KCNQ1: variants seen among roughly 807,000 people sequenced by gnomAD.
KCNQ1 encodes potassium voltage-gated channel subfamily Q member 1.
A neutral mutation model predicts 72.4 loss-of-function variants in KCNQ1; 49 were observed. The ratio of observed to expected loss-of-function variants is 0.68; its 90% CI spans 0.54 to 0.86. KCNQ1 has a LOEUF of 0.86. Among genes scored for constraint, KCNQ1 ranks in the 40% least tolerant of loss-of-function variants. KCNQ1 has a pLI of 0.00. For missense variants in KCNQ1, 790 were observed against 945.1 expected (o/e 0.84, Z 2.15); for synonymous variants, 450 against 412.6 (o/e 1.09, Z -1.10).
intron 11 of KCNQ1, among the ~76,000 whole-genome samples, chr11:2,709,555 C>A (rs994675932): frequency 3.3e-5 from 5 of 152,156 alleles, no homozygotes; most frequent in South Asian, 4.2e-4. Flanking sequence ...TTCAGAGTTG[C>A]GCAACCATCA....
rs76539533 is a variant in KCNQ1, at chr11:2,797,313, C to T, written c.1794+19276C>T. On this transcript the variant is annotated intron_variant, in intron 15 of 15. Transcript: ENST00000155840. Reference sequence around the variant, plus strand: ...GGCCCCAACCTGCCTGCAGACCAAGCGGTCACATCGCGAATGAGTCCTCAT... The same window carrying T: ...GGCCCCAACCTGCCTGCAGACCAAGTGGTCACATCGCGAATGAGTCCTCAT... Among the ~76,000 whole-genome samples, 74 of 152,288 alleles carry T rather than the reference C, an allele frequency of 4.9e-4. 1 individual carries two copies. The East Asian group carries it at 6.8e-3, about 14-fold the overall frequency.
At chr11:2,650,155 A>G (rs1385381123) in intron 10 of KCNQ1, 2 of 398,328 alleles carry the variant, frequency 5.0e-6, no homozygotes, top group South Asian at 2.5e-4. Flanking sequence ...TTTCATATCT[A>G]ACTCTGCTGG....
chr11:2,476,198 A>G (rs527240153), intron 1 of KCNQ1, among the ~76,000 whole-genome samples: 148 of 152,374 alleles, frequency 9.7e-4, no homozygotes, highest in African/African-American at 3.5e-3. Flanking sequence ...ACAAACATTG[A>G]TCATATACTA....
At chr11:2,840,226 T>G (rs549344729) in intron 15 of KCNQ1, 60 of 152,406 alleles carry the variant, frequency 3.9e-4, no homozygotes, top group African/African-American at 1.4e-3. Context: ...ATTGTAAAGG[T>G]CTTCATCCTC....
intron 11 of KCNQ1, chr11:2,665,256 C>T (rs903784627): frequency 1.0e-4 from 41 of 398,564 alleles, no homozygotes; most frequent in South Asian, 8.9e-4. Flanking sequence ...CTGCCAGCCT[C>T]AAACTCCCTG....
At position 2,543,357 on chromosome 11, in the gene KCNQ1, T is replaced by C. The variant is rs915611665; in HGVS notation, c.477+15339T>C. On this transcript the variant is annotated intron_variant, in intron 2 of 15. Transcript: ENST00000155840. This position sits in a 1 kb window ranked among gnomAD's most constrained non-coding sequence, Gnocchi z 5.6. Reference sequence around the variant, plus strand: ...GGCGTAAACGTAGCTCACTGCAACCTCGAATTCCTGGGCTCCGAGGATCCT... The same window carrying C: ...GGCGTAAACGTAGCTCACTGCAACCCCGAATTCCTGGGCTCCGAGGATCCT... 3.3e-5 allele frequency among the ~76,000 whole-genome samples: 5 copies of C among 152,102 alleles called. No homozygotes were observed. Among genetic ancestry groups the C allele is most frequent in the African/African-American group, 1.2e-4 (5 of 41,404 alleles).
intron 15 of KCNQ1, among the ~76,000 whole-genome samples, chr11:2,790,549 C>A (rs902901168): frequency 6.6e-6 from 1 of 152,222 alleles, no homozygotes; most frequent in Non-Finnish European, 1.5e-5. Context: ...CCTTCCCATC[C>A]CACACAGGGC....
intron 10 of KCNQ1, chr11:2,632,261 T>G (rs1849371209): frequency 2.5e-6 from 1 of 398,478 alleles, no homozygotes; most frequent in East Asian, 3.6e-5. Flanking sequence ...CTGAATTAAT[T>G]TATTCAGTTT....
chr11:2,630,303 TCA>T, intron 10 of KCNQ1: 2 of 398,264 alleles, frequency 5.0e-6, no homozygotes, highest in Non-Finnish European at 8.9e-6. Flanking sequence ...GCTGTTAAAT[TCA>T]GTTTGATCAT....
intron 10 of KCNQ1, chr11:2,632,650 C>G: frequency 2.5e-6 from 1 of 398,338 alleles, no homozygotes. Flanking sequence ...ACTCAAATAT[C>G]ATTTCTCTGT....
chr11:2,681,014 T>C (rs994319793), intron 11 of KCNQ1: 5 of 398,464 alleles, frequency 1.3e-5, no homozygotes, highest in African/African-American at 2.1e-5. Flanking sequence ...TCTTTTATTA[T>C]GAAAGCCTCC....
At chr11:2,528,175 C>A (rs1480777516) in intron 2 of KCNQ1, among the ~76,000 whole-genome samples, 157 bp downstream of exon 2, 9 of 152,228 alleles carry the variant, frequency 5.9e-5, no homozygotes, top group African/African-American at 1.7e-4. Flanking sequence ...CCCCAGCCCC[C>A]ACACTTGCCA....
In KCNQ1 at chr11:2,565,397, C is replaced by T. The variant is rs1848233166; in HGVS notation, c.478-5231C>T. 1.3e-5 allele frequency among the ~76,000 whole-genome samples: 2 copies of T among 152,184 alleles called. No homozygotes were observed. The highest frequency in any genetic ancestry group is 1.3e-4 in the Admixed American group (2 of 15,284). On this transcript the variant is annotated intron_variant, in intron 2 of 15. Coordinates refer to ENST00000155840, the MANE Select transcript of KCNQ1 (RefSeq NM_000218.3). This position sits in a 1 kb window ranked among gnomAD's most constrained non-coding sequence, Gnocchi z 5.6. ...TGACACTGGGCACCTCTCCGTGTGC[C>T]TCTTGGCCATCTGTGTATCTTCTTC... is the stretch of plus-strand genomic sequence containing the variant.
In KCNQ1 at chr11:2,827,152, G is replaced by C. The variant is rs1847856686; in HGVS notation, c.1795-20615G>C. 6.6e-6 allele frequency among the ~76,000 whole-genome samples: 1 copy of C among 152,168 alleles called. No individual in the cohort carries two copies. Among genetic ancestry groups the C allele is most frequent in the Admixed American group, 6.5e-5 (1 of 15,272 alleles). ...CCTCGTGTTGCTGTCCCCCAGGTAGGAGATAAGGGACCAGAGTCAGGGCAG... is the reference window on the plus strand; with the variant it reads ...CCTCGTGTTGCTGTCCCCCAGGTAGCAGATAAGGGACCAGAGTCAGGGCAG... On this transcript the variant is annotated intron_variant, in intron 15 of 15. Transcript: ENST00000155840. This position sits in a 1 kb window ranked among gnomAD's most constrained non-coding sequence, Gnocchi z 6.7.
chr11:2,501,580 G>A (rs1424346511), intron 1 of KCNQ1, among the ~76,000 whole-genome samples: 3 of 151,928 alleles, frequency 2.0e-5, no homozygotes, highest in Non-Finnish European at 2.9e-5. Flanking sequence ...TGGCCTCACT[G>A]CTAAATTCTG....
intron 2 of KCNQ1, among the ~76,000 whole-genome samples, chr11:2,568,754 G>A (rs1848282813): frequency 6.6e-6 from 1 of 152,204 alleles, no homozygotes. Context: ...TCTCTAAGGA[G>A]CTCAGCCGGA....
At chr11:2,771,074 G>C (rs544827466) in intron 12 of KCNQ1, among the ~76,000 whole-genome samples, 6 of 152,246 alleles carry the variant, frequency 3.9e-5, no homozygotes, top group Non-Finnish European at 7.3e-5. Flanking sequence ...CTGGTGTCTG[G>C]CCTGAGGGTG....
At chr11:2,485,233 G>A (rs939718088) in intron 1 of KCNQ1, among the ~76,000 whole-genome samples, 2 of 152,228 alleles carry the variant, frequency 1.3e-5, no homozygotes, top group African/African-American at 2.4e-5. Context: ...ATTGTTTTTA[G>A]TTACTTATCT....
At chr11:2,561,453 C>A (rs895958989) in intron 2 of KCNQ1, among the ~76,000 whole-genome samples, 1 of 152,196 alleles carries the variant, frequency 6.6e-6, no homozygotes, top group Non-Finnish European at 1.5e-5. Context: ...TGGGACACCA[C>A]CTTCCTGCTA....
Sources: allele counts gnomAD v4.1 joint callset (sites outside exome capture counted in the v4.1 genomes callset), GRCh38; gene constraint gnomAD v4.1.1; non-coding constraint Gnocchi (gnomAD v3.1); transcripts MANE v1.5; gene names NCBI Gene and HGNC (gene_info 2026-07-23, HGNC 2026-07-21).